MRC1: variants seen among roughly 807,000 people sequenced by gnomAD.
MRC1 encodes the protein mannose receptor C-type 1.
MRC1 carries 62 observed loss-of-function variants against 102.9 expected under a neutral mutation model. The observed-to-expected ratio is 0.60, with a 90% CI of 0.49 to 0.74. MRC1 has a LOEUF of 0.74. MRC1 is among the 30% of genes least tolerant of loss of function. The pLI, the probability that MRC1 is intolerant of heterozygous loss-of-function variation, is 0.00. For missense variants in MRC1, 1,237 were observed against 862.8 expected (o/e 1.43, Z -5.43); for synonymous variants, 457 against 298.4 (o/e 1.53, Z -5.48).
At chr10:17,882,494 T>C (rs985189316) in intron 21 of MRC1, among the ~76,000 whole-genome samples, 33 of 152,274 alleles carry the variant, frequency 2.2e-4, no homozygotes, top group Non-Finnish European at 4.0e-4. Flanking sequence ...CTGAATGTTA[T>C]GTAAGCTCTC....
chr10:17,848,959 C>G (rs1838870780), intron 6 of MRC1, among the ~76,000 whole-genome samples: 2 of 152,096 alleles, frequency 1.3e-5, no homozygotes, highest in Non-Finnish European at 2.9e-5. Context: ...GTGACTGGCT[C>G]CCTAATGTCC....
At chr10:17,896,560 C>A (rs1052164949) in intron 23 of MRC1, among the ~76,000 whole-genome samples, 2 of 152,142 alleles carry the variant, frequency 1.3e-5, no homozygotes, top group African/African-American at 4.8e-5. Context: ...AAATAAAAAT[C>A]ATTTGCAAAT....
intron 2 of MRC1, among the ~76,000 whole-genome samples, chr10:17,824,530 G>C (rs1838444912): frequency 6.6e-6 from 1 of 152,194 alleles, no homozygotes; most frequent in East Asian, 1.9e-4. Context: ...GAAGAAGGGA[G>C]AGTAGGAATT....
chr10:17,893,008 A>AG (rs1438601731), intron 22 of MRC1, among the ~76,000 whole-genome samples: 1 of 99,624 alleles, frequency 1.0e-5, no homozygotes, highest in Non-Finnish European at 2.1e-5. Context: ...GACTCCATCT[A>AG]GGAAAAAAAA....
chr10:17,811,015 A>G (rs1838212867), intron 1 of MRC1, among the ~76,000 whole-genome samples: 1 of 151,854 alleles, frequency 6.6e-6, no homozygotes, highest in Non-Finnish European at 1.5e-5. Context: ...CTGGCCTCGA[A>G]CTCCTGACCT....
intron 7 of MRC1, among the ~76,000 whole-genome samples, chr10:17,851,552 T>C (rs976406421): frequency 6.6e-6 from 1 of 152,186 alleles, no homozygotes; most frequent in Non-Finnish European, 1.5e-5. Context: ...TTATATATTT[T>C]TCTAGGATCA....
At chr10:17,887,904 G>T (rs1479685187) in intron 22 of MRC1, among the ~76,000 whole-genome samples, 1 of 152,106 alleles carries the variant, frequency 6.6e-6, no homozygotes, top group Non-Finnish European at 1.5e-5. Flanking sequence ...CCGGGTTCAC[G>T]TGATTCTCCT....
chr10:17,864,827 CAA>C (rs34931364), intron 11 of MRC1, among the ~76,000 whole-genome samples: 1,067 of 80,530 alleles, frequency 0.013, 5 homozygotes, highest in Admixed American at 0.015. Context: ...AAAACTCCAT[CAA>C]AAAAAAAAAA....
chr10:17,820,111 T>C (rs1838373429), intron 1 of MRC1, among the ~76,000 whole-genome samples: 1 of 152,182 alleles, frequency 6.6e-6, no homozygotes, highest in South Asian at 2.1e-4. Context: ...TTACTCAAAG[T>C]TGGCTGATTG....
At chr10:17,811,655 G>A (rs1838224735) in intron 1 of MRC1, among the ~76,000 whole-genome samples, 1 of 152,110 alleles carries the variant, frequency 6.6e-6, no homozygotes, top group Non-Finnish European at 1.5e-5. Flanking sequence ...TGACATCTGG[G>A]CTCATGCAAT....
rs1438622744 is a variant in MRC1 at position 17,849,630 on chromosome 10, A to T, written c.1115A>T (p.His372Leu). ...CPSQWWPYAGHCYKIHRDEKK... is the reference protein window; with the variant it reads ...CPSQWWPYAGLCYKIHRDEKK... Reference sequence around the variant, plus strand: ...AGTCAGTGGTGGCCGTATGCCGGTCACTGTTACAAGATTCACAGAGATGAG... The same window carrying T: ...AGTCAGTGGTGGCCGTATGCCGGTCTCTGTTACAAGATTCACAGAGATGAG... The change falls in exon 7 of 30, where the codon CAC (histidine) becomes CTC (leucine). Residue 372 changes from histidine to leucine, a missense_variant. His to Leu is a moderately conservative substitution (Grantham distance 99). Coordinates refer to ENST00000569591, the MANE Select transcript of MRC1 (RefSeq NM_002438.4). 1.3e-6 allele frequency: 1 copy of T among 780,838 alleles called. No individual in the cohort carries two copies. The highest frequency in any genetic ancestry group is 1.7e-5 in the African/African-American group (1 of 59,104). 48.4% of individuals were successfully genotyped at this position (780,838 alleles called of 1,614,324 possible). A position where few individuals can be genotyped will look rare whatever the true frequency, so the allele number is the denominator to read the frequency against.
At chr10:17,828,497 TTACCTTTATGAAACCA>T (rs1838519056) in intron 3 of MRC1, among the ~76,000 whole-genome samples, 1 of 151,458 alleles carries the variant, frequency 6.6e-6, no homozygotes, top group African/African-American at 2.5e-5. Flanking sequence ...CTGAAATGCC[TTACCTTTATGAAACCA>T]TAGATCAAAA....
At chr10:17,849,303 TAA>T (rs71393044) in intron 6 of MRC1, among the ~76,000 whole-genome samples, 8 of 135,264 alleles carry the variant, frequency 5.9e-5, no homozygotes, top group Admixed American at 7.5e-5. Flanking sequence ...CCTTGTCTCT[TAA>T]AAAAAAAAAA....
intron 9 of MRC1, among the ~76,000 whole-genome samples, chr10:17,857,831 C>A (rs1589181232): frequency 6.6e-6 from 1 of 152,138 alleles, no homozygotes; most frequent in Non-Finnish European, 1.5e-5. Context: ...GTTGCACAGA[C>A]CTGGGATTTA....
intron 8 of MRC1, chr10:17,854,714 G>T: frequency 4.4e-6 from 1 of 226,332 alleles, no homozygotes; most frequent in Non-Finnish European, 8.9e-6. Context: ...TTGAGACAGA[G>T]TTTTGCTCTT....
intron 4 of MRC1, 122 bp from the exon 5 acceptor site, chr10:17,840,571 C>A: frequency 1.4e-6 from 1 of 713,810 alleles, no homozygotes; most frequent in South Asian, 1.6e-5. Flanking sequence ...ACATGGTAGG[C>A]ATGATTATTG....
chr10:17,863,898 GA>G (rs1166024343), intron 11 of MRC1, among the ~76,000 whole-genome samples: 8 of 151,620 alleles, frequency 5.3e-5, no homozygotes, highest in African/African-American at 1.7e-4. Flanking sequence ...AAAAAAGGAA[GA>G]AAAAAATTGC....
At chr10:17,847,737 AG>A (rs1385029039) in intron 6 of MRC1, among the ~76,000 whole-genome samples, 1 of 152,230 alleles carries the variant, frequency 6.6e-6, no homozygotes. Context: ...TGGCTGCCCC[AG>A]GGAACTCCCC....
At chr10:17,811,208 G>T (rs1464756045) in intron 1 of MRC1, among the ~76,000 whole-genome samples, 1 of 152,166 alleles carries the variant, frequency 6.6e-6, no homozygotes, top group East Asian at 1.9e-4. Context: ...TTCAAAATCT[G>T]GTGAGTATTG....
Sources: gnomAD v4.1 joint callset for allele counts (sites outside exome capture counted in the v4.1 genomes callset) on GRCh38, gnomAD v4.1.1 for gene constraint, MANE v1.5 for transcripts, NCBI Gene and HGNC (gene_info 2026-07-23, HGNC 2026-07-21) for gene names.